The following CHCHD3 variants were observed in gnomAD, a reference collection of about 807,000 sequenced individuals.
The protein encoded by CHCHD3 is MICOS complex subunit MIC19.
Under a neutral mutation model 38.2 loss-of-function variants are expected in CHCHD3, and 20 were observed. That is an observed-to-expected ratio of 0.52 (90% CI 0.37 to 0.76). The LOEUF (loss-of-function observed/expected upper bound fraction) is 0.76, where lower values mean the gene tolerates loss of function less well. CHCHD3 is among the 30% of genes least tolerant of loss of function. The probability of loss-of-function intolerance (pLI) is 0.00; values close to 1 mark genes in which losing one functional copy is unlikely to be tolerated. For synonymous variants in CHCHD3, 82 were observed against 100.0 expected, an observed-to-expected ratio of 0.82 and a Z score of 1.07; for missense variants, 245 against 279.2, an observed-to-expected ratio of 0.88 and a Z score of 0.87.
chr7:133,056,596 G>A (rs972222372), intron 2 of CHCHD3, among the ~76,000 whole-genome samples: 4 of 152,114 alleles, frequency 2.6e-5, no homozygotes, highest in African/African-American at 9.7e-5. Context: ...ATAAATAAAT[G>A]TTTGTTGGAA....
intron 5 of CHCHD3, among the ~76,000 whole-genome samples, chr7:132,870,351 CAAAA>C (rs58488494): frequency 3.0e-5 from 3 of 99,384 alleles, no homozygotes; most frequent in Non-Finnish European, 4.1e-5. Flanking sequence ...CCTATCTCAC[CAAAA>C]AAAAAAAAAA....
chr7:132,838,556 C>T, intron 5 of CHCHD3, 87 bp from the exon 6 acceptor site: 1 of 1,003,720 alleles, frequency 1.0e-6, no homozygotes, highest in South Asian at 1.4e-5. Flanking sequence ...ACACATAAAA[C>T]CTTGTTTCAG....
chr7:132,827,980 T>G (rs1311323210), intron 6 of CHCHD3, among the ~76,000 whole-genome samples: 1 of 152,172 alleles, frequency 6.6e-6, no homozygotes, highest in African/African-American at 2.4e-5. Flanking sequence ...TACCACTGAG[T>G]TGAGTGGAAT....
intron 4 of CHCHD3, among the ~76,000 whole-genome samples, chr7:132,922,234 C>A (rs1028122402): frequency 6.6e-6 from 1 of 152,056 alleles, no homozygotes; most frequent in South Asian, 2.1e-4. Flanking sequence ...AGACAAAGGG[C>A]GGGTACAGCA....
At chr7:132,869,825 C>G (rs1270547428) in intron 5 of CHCHD3, among the ~76,000 whole-genome samples, 2 of 152,170 alleles carry the variant, frequency 1.3e-5, no homozygotes, top group African/African-American at 4.8e-5. Flanking sequence ...CTCAGCGAGC[C>G]TCCTGCCTCA....
chr7:132,847,216 G>A (rs1437805391), intron 5 of CHCHD3: 1 of 152,116 alleles, frequency 6.6e-6, no homozygotes, highest in Non-Finnish European at 1.5e-5. Context: ...ATGCAAAGGA[G>A]GCTGGGAATC....
intron 2 of CHCHD3, among the ~76,000 whole-genome samples, chr7:133,025,552 T>G (rs1047724727): frequency 6.6e-6 from 1 of 152,256 alleles, no homozygotes; most frequent in Non-Finnish European, 1.5e-5. Flanking sequence ...TTGCCCAGGC[T>G]GCAGTGCAGT....
At chr7:132,829,213 A>G (rs1807578203) in intron 6 of CHCHD3, among the ~76,000 whole-genome samples, 2 of 152,208 alleles carry the variant, frequency 1.3e-5, no homozygotes, top group African/African-American at 4.8e-5. Context: ...GTAGTTAATT[A>G]CTCAAGTAAG....
intron 3 of CHCHD3, among the ~76,000 whole-genome samples, chr7:133,021,992 C>G (rs1171957437): frequency 1.3e-5 from 2 of 151,930 alleles, no homozygotes; most frequent in Non-Finnish European, 2.9e-5. Flanking sequence ...GAGGCTGAGG[C>G]AGGAGAATTG....
intron 4 of CHCHD3, among the ~76,000 whole-genome samples, chr7:132,969,530 T>C (rs988532585): frequency 1.3e-5 from 2 of 152,192 alleles, no homozygotes; most frequent in Non-Finnish European, 2.9e-5. Context: ...TTACATTGAT[T>C]GCTAATTTTT....
chr7:132,800,788 G>C (rs938345563), intron 6 of CHCHD3, among the ~76,000 whole-genome samples: 3 of 152,104 alleles, frequency 2.0e-5, no homozygotes, highest in Non-Finnish European at 2.9e-5. Context: ...AGGGAGAAGA[G>C]AGGGAACAAG....
At chr7:132,833,921 T>A (rs190155915) in intron 6 of CHCHD3, among the ~76,000 whole-genome samples, 7 of 152,232 alleles carry the variant, frequency 4.6e-5, no homozygotes, top group Admixed American at 2.6e-4. Flanking sequence ...AAAGCTTCTA[T>A]CTCCTGTAAC....
At chr7:132,900,583 G>GA (rs369936947) in intron 4 of CHCHD3, among the ~76,000 whole-genome samples, 19 of 149,692 alleles carry the variant, frequency 1.3e-4, no homozygotes, top group African/African-American at 3.9e-4. Context: ...ACCCAGAATG[G>GA]AAAAAAAAAC....
At chr7:132,802,820 A>G (rs1432532646) in intron 6 of CHCHD3, among the ~76,000 whole-genome samples, 1 of 152,124 alleles carries the variant, frequency 6.6e-6, no homozygotes, top group Admixed American at 6.5e-5. Flanking sequence ...ATCACATATA[A>G]TTTAGAACAA....
intron 2 of CHCHD3, among the ~76,000 whole-genome samples, chr7:133,049,838 T>A (rs1256733211): frequency 2.6e-5 from 4 of 152,206 alleles, no homozygotes; most frequent in Admixed American, 1.3e-4. Context: ...TACTCCATAA[T>A]CCACACTTCC....
At chr7:132,878,610 C>T (rs1276741862) in intron 5 of CHCHD3, among the ~76,000 whole-genome samples, 1 of 152,202 alleles carries the variant, frequency 6.6e-6, no homozygotes. Flanking sequence ...CTAATTCTCT[C>T]TCCCTTTTAA....
chr7:133,032,918 A>T (rs1418266049), intron 2 of CHCHD3, among the ~76,000 whole-genome samples: 3 of 152,328 alleles, frequency 2.0e-5, no homozygotes, highest in African/African-American at 7.2e-5. Flanking sequence ...ATAAAACTAT[A>T]ATACAGTGTT....
At chr7:132,985,878 C>T (rs1285252134) in intron 3 of CHCHD3, among the ~76,000 whole-genome samples, 1 of 125,302 alleles carries the variant, frequency 8.0e-6, no homozygotes, top group African/African-American at 2.9e-5. Context: ...CCCCTCTGCC[C>T]GGCCACCACC....
At position 132,874,597 on chromosome 7, in the gene CHCHD3, C is replaced by G. The variant is rs991758731; in HGVS notation, c.453+11065G>C. ...GAAGAATATTCTGGTTCAGACTTTC[C>G]ATTGGTGGCATGCTACTGAAACCTG... On this transcript the variant is annotated intron_variant, in intron 5 of 7. Coordinates refer to ENST00000262570, the MANE Select transcript of CHCHD3 (RefSeq NM_017812.4). Among the ~76,000 whole-genome samples the G allele has an allele frequency of 1.2e-4, 18 of 152,196 alleles. 1 individual carries two copies. The highest frequency in any genetic ancestry group is 6.2e-4 in the South Asian group (3 of 4,816).
Sources: allele counts gnomAD v4.1 joint callset (sites outside exome capture counted in the v4.1 genomes callset), GRCh38; gene constraint gnomAD v4.1.1; transcripts MANE v1.5; gene names NCBI Gene and HGNC (gene_info 2026-07-23, HGNC 2026-07-21).